ZNF101: variants seen among roughly 807,000 people sequenced by gnomAD.
ZNF101 encodes the protein zinc finger protein 101 (Y2).
A neutral mutation model predicts 42.6 loss-of-function variants in ZNF101; 34 were observed. That is an observed-to-expected ratio of 0.80 (90% CI 0.61 to 1.06). The LOEUF (loss-of-function observed/expected upper bound fraction) is 1.06. Among genes scored for constraint, ZNF101 ranks in the 50% least tolerant of loss-of-function variants. ZNF101 has a pLI of 0.00. For missense variants in ZNF101, 466 were observed against 530.9 expected (o/e 0.88, Z 1.20); for synonymous variants, 158 against 183.9 (o/e 0.86, Z 1.14).
rs2062238306 is a variant in ZNF101, at chr19:19,681,137, T to G, written c.*837T>G. On this transcript the variant is annotated 3_prime_UTR_variant, in exon 4 of 4. Coordinates refer to ENST00000592502, the MANE Select transcript of ZNF101 (RefSeq NM_033204.4). ...TCAGAAAAAAAGGGAAAGAAATAAT[T>G]CTCATTTATACAGGAGAGAAATCCT... 6.6e-6 allele frequency: 1 copy of G among 152,010 alleles called. No homozygotes were observed. The highest frequency in any genetic ancestry group is 1.5e-5 in the Non-Finnish European group (1 of 67,996). 9.4% of individuals were successfully genotyped at this position (152,010 alleles called of 1,614,324 possible). A position where few individuals can be genotyped will look rare whatever the true frequency, so the allele number is the denominator to read the frequency against.
chr19:19,674,856 T>C (rs893934325), intron 1 of ZNF101, among the ~76,000 whole-genome samples: 14 of 152,150 alleles, frequency 9.2e-5, no homozygotes, highest in African/African-American at 3.4e-4. Flanking sequence ...AGTCTCGTTT[T>C]GTCGCCCAGG....
At chr19:19,676,214 A>G (rs2062202218) in intron 1 of ZNF101, 1 of 152,062 alleles carries the variant, frequency 6.6e-6, no homozygotes, top group African/African-American at 2.4e-5. Context: ...AGAGGTGGCT[A>G]TAACTTTTAA....
In ZNF101 at chr19:19,681,262, A is replaced by C. The variant is rs2062238858; in HGVS notation, c.*962A>C. On this transcript the variant is annotated 3_prime_UTR_variant, in exon 4 of 4. Coordinates refer to ENST00000592502, the MANE Select transcript of ZNF101 (RefSeq NM_033204.4). Reference sequence around the variant, plus strand: ...CCTCAGATATTCCAGTTCTATTCAGAGCCATAAAAGGACTCATACTGGAGA... The same window carrying C: ...CCTCAGATATTCCAGTTCTATTCAGCGCCATAAAAGGACTCATACTGGAGA... The C allele has an allele frequency of 6.6e-6, 1 of 152,250 alleles. No homozygotes were observed. Among genetic ancestry groups the C allele is most frequent in the African/African-American group, 2.4e-5 (1 of 41,468 alleles). 9.4% of individuals were successfully genotyped at this position (152,250 alleles called of 1,614,324 possible).
At chr19:19,673,248 CTTTT>C (rs34694853) in intron 1 of ZNF101, among the ~76,000 whole-genome samples, 1 of 116,128 alleles carries the variant, frequency 8.6e-6, no homozygotes, top group Non-Finnish European at 1.7e-5. Context: ...AATGTGCTGG[CTTTT>C]TTTTTTTTTT....
At chr19:19,671,640 C>G (rs1439641584) in intron 1 of ZNF101, among the ~76,000 whole-genome samples, 2 of 151,920 alleles carry the variant, frequency 1.3e-5, no homozygotes, top group African/African-American at 4.8e-5. Context: ...GCTGGGACTA[C>G]AGGTGCCCGC....
intron 1 of ZNF101, among the ~76,000 whole-genome samples, chr19:19,672,967 CAG>C (rs1464577250): frequency 6.6e-6 from 1 of 151,722 alleles, no homozygotes; most frequent in Non-Finnish European, 1.5e-5. Flanking sequence ...TTCTTTGACA[CAG>C]AGTCTTGCTC....
rs757630775 is a variant in ZNF101 at position 19,678,679 on chromosome 19, T to C, written c.131-47T>C. The stretch of plus-strand genomic sequence containing the variant: ...TGAACTTAGAACCTAGTGATTTTTC[T>C]GTAATTTTAAATAATTCATAATAAT... On this transcript the variant is annotated intron_variant, in intron 2 of 3. Transcript: ENST00000592502. 9.2e-6 allele frequency: 14 copies of C among 1,517,200 alleles called. No individual in the cohort carries two copies. In the East Asian group the frequency reaches 3.2e-4, roughly 35 times the overall value. 94.0% of individuals were successfully genotyped at this position (1,517,200 alleles called of 1,614,324 possible).
chr19:19,672,715 C>T lies in ZNF101; in HGVS notation c.3+3749C>T, dbSNP rs182464329. The stretch of plus-strand genomic sequence containing the variant: ...CAATTTTTTGTATTTTTAGTAGACA[C>T]GGGGTTTCAACATGTTGGCTAGGCC... On this transcript the variant is annotated intron_variant, in intron 1 of 3. Transcript: ENST00000592502. Among the ~76,000 whole-genome samples, 30 of 151,968 alleles carry T rather than the reference C, an allele frequency of 2.0e-4. No homozygotes were observed. In the East Asian group the frequency reaches 2.7e-3, roughly 14 times the overall value.
At position 19,682,530 on chromosome 19, in the gene ZNF101, C is replaced by A. The variant is rs1007135009; in HGVS notation, c.*2230C>A. 6.6e-6 allele frequency: 1 copy of A among 152,012 alleles called. No individual in the cohort carries two copies. Among genetic ancestry groups the A allele is most frequent in the Non-Finnish European group, 1.5e-5 (1 of 68,018 alleles). 9.4% of individuals were successfully genotyped at this position (152,012 alleles called of 1,614,324 possible). A position where few individuals can be genotyped will look rare whatever the true frequency, so the allele number is the denominator to read the frequency against. On this transcript the variant is annotated 3_prime_UTR_variant, in exon 4 of 4. Transcript: ENST00000592502. ...GACACCTTGCCCGGCCCCTGTGACTCATTCTTAAAAAGGATCTTTGGATTA... is the reference window on the plus strand; with the variant it reads ...GACACCTTGCCCGGCCCCTGTGACTAATTCTTAAAAAGGATCTTTGGATTA...
At position 19,678,823 on chromosome 19, in the gene ZNF101, A is replaced by C. The variant is rs370371254; in HGVS notation, c.191+37A>C. 222 of 1,559,724 alleles carry C rather than the reference A, an allele frequency of 1.4e-4. 1 individual carries two copies. The African/African-American group carries it at 2.6e-3, about 18-fold the overall frequency. ...TCACAAGAGGAAGCAGTGTCTCTTG[A>C]GGGAATCTTAGTAGGTCAGGAAAAT... On this transcript the variant is annotated intron_variant, in intron 3 of 3. Coordinates refer to ENST00000592502, the MANE Select transcript of ZNF101 (RefSeq NM_033204.4).
At chr19:19,671,629 A>G (rs1184123299) in intron 1 of ZNF101, among the ~76,000 whole-genome samples, 1 of 151,470 alleles carries the variant, frequency 6.6e-6, no homozygotes, top group Non-Finnish European at 1.5e-5. Context: ...CCTCCCGAGT[A>G]GCTGGGACTA....
chr19:19,682,634 T>A lies in ZNF101; in HGVS notation c.*2334T>A, dbSNP rs1373450602. 1 of 152,212 alleles carries A rather than the reference T, an allele frequency of 6.6e-6. No individual in the cohort carries two copies. Among genetic ancestry groups the A allele is most frequent in the East Asian group, 1.9e-4 (1 of 5,196 alleles). The allele number at this position is 152,212 out of a possible 1,614,324, so 9.4% of individuals were successfully genotyped here. ...ACCTGAGGTTTAATAGGAAGTGTTT[T>A]TATCCTAAGTTAGTTAATAAAATTT... On this transcript the variant is annotated 3_prime_UTR_variant, in exon 4 of 4. Transcript: ENST00000592502.
rs151267666 is a variant in ZNF101, at chr19:19,670,015, G to A, written c.3+1049G>A. Among the ~76,000 whole-genome samples the A allele has an allele frequency of 5.3e-3, 812 of 152,152 alleles. 9 individuals are homozygous for A. The highest frequency in any genetic ancestry group is 0.018 in the African/African-American group (752 of 41,498). On this transcript the variant is annotated intron_variant, in intron 1 of 3. Transcript: ENST00000592502. The stretch of plus-strand genomic sequence containing the variant: ...AGGCTTCTCTTGGGAACTTCACAGG[G>A]TATTGGGTCCTCAGCCCACCCTCCT...
chr19:19,668,492 C>T (rs2062146235), upstream of ZNF101, among the ~76,000 whole-genome samples: 1 of 151,820 alleles, frequency 6.6e-6, no homozygotes, highest in African/African-American at 2.4e-5. Context: ...ACTTCTAGCC[C>T]GGGGGGAGTT....
At chr19:19,672,760 C>T (rs1456117560) in intron 1 of ZNF101, among the ~76,000 whole-genome samples, 1 of 152,024 alleles carries the variant, frequency 6.6e-6, no homozygotes, top group Non-Finnish European at 1.5e-5. Context: ...CTCCTGAGCT[C>T]AGGCAATCCT....
At position 19,679,208 on chromosome 19, in the gene ZNF101, TAAA is replaced by T. The variant is rs1029581199; in HGVS notation, c.220_222del (p.Lys74del). ...GTCTGGTGGAGAGACTCTGTGGACG[TAAA>T]GAAGGGAATGAACACAGAGAAACTT... is the stretch of plus-strand genomic sequence containing the variant. On this transcript the variant is annotated inframe_deletion, in exon 4 of 4. Transcript: ENST00000592502. 2 of 1,613,714 alleles carry T rather than the reference TAAA, an allele frequency of 1.2e-6. No individual in the cohort carries two copies. The highest frequency in any genetic ancestry group is 1.7e-5 in the Admixed American group (1 of 59,972).
chr19:19,671,435 A>G lies in ZNF101; in HGVS notation c.3+2469A>G, dbSNP rs773841955. The stretch of plus-strand genomic sequence containing the variant: ...ACTCCTAGGTCTCTCTCATGATCTC[A>G]TGTAATCCCAGTTATTTCCCAGAGT... On this transcript the variant is annotated intron_variant, in intron 1 of 3. Transcript: ENST00000592502. Among the ~76,000 whole-genome samples the G allele has an allele frequency of 2.0e-5, 3 of 151,208 alleles. No homozygotes were observed. The East Asian group carries it at 5.9e-4, about 29-fold the overall frequency.
rs1364876119 is a variant in ZNF101 at position 19,679,344 on chromosome 19, A to G, written c.355A>G (p.Arg119Gly). 1.9e-6 allele frequency: 3 copies of G among 1,614,040 alleles called. No individual in the cohort carries two copies. The highest frequency in any genetic ancestry group is 1.3e-5 in the African/African-American group (1 of 74,922). ...KVFLRHSFLD[R>G]HMRAHAGHKR... ...CTTCCTCCGTCATTCATTCCTGGACAGGCACATGAGAGCTCATGCTGGACA... is the reference window on the plus strand; with the variant it reads ...CTTCCTCCGTCATTCATTCCTGGACGGGCACATGAGAGCTCATGCTGGACA... Residue 119 changes from arginine to glycine, a missense_variant, in exon 4 of 4, where the codon AGG becomes GGG. Arg to Gly is a moderately radical substitution (Grantham distance 125, BLOSUM62 -2). Coordinates refer to ENST00000592502, the MANE Select transcript of ZNF101 (RefSeq NM_033204.4).
rs1008597073 is a variant in ZNF101 at position 19,682,482 on chromosome 19, A to G, written c.*2182A>G. On this transcript the variant is annotated 3_prime_UTR_variant, in exon 4 of 4. Transcript: ENST00000592502. ...GGAATCCATCCTCTTCAGCCTCGCA[A>G]AGTGCTGAGATTATAGGCATGAGAC... The G allele has an allele frequency of 1.3e-5, 2 of 152,122 alleles. No individual in the cohort carries two copies. The highest frequency in any genetic ancestry group is 2.9e-5 in the Non-Finnish European group (2 of 68,022). 9.4% of individuals were successfully genotyped at this position (152,122 alleles called of 1,614,324 possible). A position where few individuals can be genotyped will look rare whatever the true frequency, so the allele number is the denominator to read the frequency against.
Sources: allele counts gnomAD v4.1 joint callset (sites outside exome capture counted in the v4.1 genomes callset), GRCh38; gene constraint gnomAD v4.1.1; transcripts MANE v1.5; gene names NCBI Gene and HGNC (gene_info 2026-07-23, HGNC 2026-07-21).